Variants in DLD observed in about 807,000 individuals in gnomAD.
DLD encodes dihydrolipoamide dehydrogenase.
A neutral mutation model predicts 62.2 loss-of-function variants in DLD; 36 were observed. The ratio of observed to expected loss-of-function variants is 0.58; its 90% CI spans 0.44 to 0.76. DLD has a LOEUF of 0.76. DLD is among the 30% of genes least tolerant of loss of function. The pLI, the probability that DLD is intolerant of heterozygous loss-of-function variation, is 0.00. For missense variants in DLD, 541 were observed against 608.6 expected, an observed-to-expected ratio of 0.89 and a Z score of 1.17; for synonymous variants, 204 against 199.6, an observed-to-expected ratio of 1.02 and a Z score of -0.19.
rs1562915917 is a variant in DLD at position 107,906,264 on chromosome 7, CAGAT to C, written c.585_588del (p.Ile195MetfsTer5). Reference sequence around the variant, plus strand: ...TTGATTATATCTTTTGTTTTTCTTACAGATAGATGAAGATACAATAGTGTCATCT... The same window carrying C: ...TTGATTATATCTTTTGTTTTTCTTACAGATGAAGATACAATAGTGTCATCT... On this transcript the variant is annotated splice_acceptor_variant and coding_sequence_variant, in exon 8 of 14. Coordinates refer to ENST00000205402, the MANE Select transcript of DLD (RefSeq NM_000108.5). LOFTEE classifies it high-confidence loss of function. 2.0e-6 allele frequency: 3 copies of C among 1,524,972 alleles called. No individual in the cohort carries two copies. Among genetic ancestry groups the C allele is most frequent in the Non-Finnish European group, 2.7e-6 (3 of 1,099,546 alleles). 94.5% of individuals were successfully genotyped at this position (1,524,972 alleles called of 1,614,324 possible).
At chr7:107,895,235 G>A (rs1258639140) in intron 2 of DLD, among the ~76,000 whole-genome samples, 1 of 152,182 alleles carries the variant, frequency 6.6e-6, no homozygotes, top group Non-Finnish European at 1.5e-5. Context: ...GGAAATGACA[G>A]AGCTGGGAGA....
rs953544797 is a variant in DLD, at chr7:107,919,853, AATT to A, written c.*597_*599del. The A allele has an allele frequency of 1.3e-5, 2 of 153,026 alleles. No homozygotes were observed. Among genetic ancestry groups the A allele is most frequent in the Non-Finnish European group, 2.9e-5 (2 of 68,572 alleles). The allele number at this position is 153,026 out of a possible 1,614,324, so 9.5% of individuals were successfully genotyped here. On this transcript the variant is annotated 3_prime_UTR_variant, in exon 14 of 14. Coordinates refer to ENST00000205402, the MANE Select transcript of DLD (RefSeq NM_000108.5). ...ATTGTTGTCTGCAACTCTGAAGGGT[AATT>A]ATATAGTTACCCAAATTAAGAGAGT...
chr7:107,905,091 T>A lies in DLD; in HGVS notation c.438+33T>A, dbSNP rs758855053. 2.1e-6 allele frequency: 3 copies of A among 1,458,332 alleles called. No homozygotes were observed. The South Asian group carries it at 3.5e-5, about 17-fold the overall frequency. 90.3% of individuals were successfully genotyped at this position (1,458,332 alleles called of 1,614,324 possible). ...TTTAATATTCAGATTTCTGCTTTACTTTGAATACAAATTAAACTTTGCATT... is the reference window on the plus strand; with the variant it reads ...TTTAATATTCAGATTTCTGCTTTACATTGAATACAAATTAAACTTTGCATT... On this transcript the variant is annotated intron_variant, in intron 6 of 13. Coordinates refer to ENST00000205402, the MANE Select transcript of DLD (RefSeq NM_000108.5).
intron 2 of DLD, among the ~76,000 whole-genome samples, chr7:107,901,381 G>C (rs1406350339): frequency 6.6e-6 from 1 of 152,094 alleles, no homozygotes; most frequent in Non-Finnish European, 1.5e-5. Context: ...CAAAGCTCAG[G>C]CTCTTTGCTT....
intron 2 of DLD, among the ~76,000 whole-genome samples, chr7:107,896,017 C>G (rs903881069): frequency 6.6e-6 from 1 of 152,136 alleles, no homozygotes; most frequent in Non-Finnish European, 1.5e-5. Flanking sequence ...TAATTCTATG[C>G]ATGTAGGCTA....
At chr7:107,918,925 TA>T in intron 12 of DLD, 84 bp from the exon 13 acceptor site, 3 of 1,144,780 alleles carry the variant, frequency 2.6e-6, no homozygotes, top group Non-Finnish European at 4.0e-6. Flanking sequence ...TTTTAAGATC[TA>T]AAAGCTTCCC....
intron 8 of DLD, among the ~76,000 whole-genome samples, chr7:107,913,011 G>A (rs1036544439): frequency 2.0e-5 from 3 of 152,004 alleles, no homozygotes; most frequent in East Asian, 1.9e-4. Flanking sequence ...TCATTCTTCC[G>A]CATACGGTTA....
chr7:107,918,602 G>A (rs1043853404), intron 12 of DLD, among the ~76,000 whole-genome samples: 8 of 152,154 alleles, frequency 5.3e-5, no homozygotes, highest in African/African-American at 1.9e-4. Context: ...CTACCACTGA[G>A]CCTAAAGTAT....
intron 1 of DLD, 24 bp from the exon 2 acceptor site, chr7:107,893,176 A>G: frequency 6.3e-7 from 1 of 1,599,854 alleles, no homozygotes; most frequent in Non-Finnish European, 8.6e-7. Flanking sequence ...TATCTTACAT[A>G]ATAGGGACAT....
chr7:107,909,929 C>T (rs1036688649), intron 8 of DLD, among the ~76,000 whole-genome samples: 1 of 150,512 alleles, frequency 6.6e-6, no homozygotes, highest in Admixed American at 6.6e-5. Flanking sequence ...TCACTGCAGC[C>T]TCCACCTCCC....
At chr7:107,903,259 G>A (rs566152489) in intron 4 of DLD, among the ~76,000 whole-genome samples, 7 of 152,232 alleles carry the variant, frequency 4.6e-5, no homozygotes, top group Non-Finnish European at 7.4e-5. Context: ...TTAGCCAGGC[G>A]TGGTGATGCA....
At chr7:107,897,824 C>G (rs2031766954) in intron 2 of DLD, among the ~76,000 whole-genome samples, 2 of 152,122 alleles carry the variant, frequency 1.3e-5, no homozygotes, top group African/African-American at 4.8e-5. Flanking sequence ...AGTGATCCAC[C>G]CGCATTGGCC....
At chr7:107,900,318 AGGGGGT>A (rs2031846264) in intron 2 of DLD, among the ~76,000 whole-genome samples, 1 of 152,080 alleles carries the variant, frequency 6.6e-6, no homozygotes, top group African/African-American at 2.4e-5. Context: ...TTTTGGGGAG[AGGGGGT>A]GATGCAAATT....
In DLD at chr7:107,917,918, T is replaced by A; in HGVS notation, c.1237-6T>A. The A allele has an allele frequency of 1.2e-6, 2 of 1,614,022 alleles. No individual in the cohort carries two copies. The highest frequency in any genetic ancestry group is 1.7e-6 in the Non-Finnish European group (2 of 1,179,910). ...TACGTAGATTCTTTTTTTCTGACTGTCACAGGGTATTGAGTACAAAGTTGG... is the reference window on the plus strand; with the variant it reads ...TACGTAGATTCTTTTTTTCTGACTGACACAGGGTATTGAGTACAAAGTTGG... On this transcript the variant is annotated splice_polypyrimidine_tract_variant and splice_region_variant and intron_variant, in intron 11 of 13. Transcript: ENST00000205402.
At position 107,917,367 on chromosome 7, in the gene DLD, G is replaced by C; in HGVS notation, c.1141G>C (p.Ala381Pro). 6.2e-7 allele frequency: 1 copy of C among 1,614,164 alleles called. No homozygotes were observed. Among genetic ancestry groups the C allele is most frequent in the Non-Finnish European group, 8.5e-7 (1 of 1,180,020 alleles). ...IICVEGMAGG[A>P]VHIDYNCVPS... ...CTGTGTTGAAGGAATGGCTGGTGGT[G>C]CTGTGCACATTGACTACAATTGTGT... Residue 381 changes from alanine to proline, a missense_variant, in exon 11 of 14, where the codon GCT becomes CCT. Ala to Pro is a conservative substitution (Grantham distance 27). Transcript: ENST00000205402.
intron 8 of DLD, among the ~76,000 whole-genome samples, chr7:107,913,373 A>C (rs901003457): frequency 6.6e-6 from 1 of 152,098 alleles, no homozygotes; most frequent in African/African-American, 2.4e-5. Context: ...GTCCATGAAC[A>C]TGAACTATTT....
chr7:107,916,654 G>C (rs945282941), intron 9 of DLD, 140 bp from the exon 10 acceptor site: 1 of 888,284 alleles, frequency 1.1e-6, no homozygotes, highest in African/African-American at 1.6e-5. Flanking sequence ...TCTGGCGACA[G>C]AGCAAGACTC....
intron 1 of DLD, among the ~76,000 whole-genome samples, chr7:107,891,972 A>G (rs2116155094): frequency 6.6e-6 from 1 of 152,328 alleles, no homozygotes; most frequent in South Asian, 2.1e-4. Flanking sequence ...GGAGACCTTA[A>G]AAATAATATA....
chr7:107,904,151 T>C (rs2031946607), intron 5 of DLD, among the ~76,000 whole-genome samples: 1 of 152,200 alleles, frequency 6.6e-6, no homozygotes, highest in African/African-American at 2.4e-5. Context: ...TTTGTTTCTT[T>C]ACAGAGGTAG....
Sources: gnomAD v4.1 joint callset for allele counts (sites outside exome capture counted in the v4.1 genomes callset) on GRCh38, gnomAD v4.1.1 for gene constraint, MANE v1.5 for transcripts, NCBI Gene and HGNC (gene_info 2026-07-23, HGNC 2026-07-21) for gene names.